The following PPFIA2 variants were observed in gnomAD, a reference collection of about 807,000 sequenced individuals.
The protein encoded by PPFIA2 is liprin-alpha-2.
PPFIA2 carries 46 observed loss-of-function variants against 175.5 expected under a neutral mutation model. The observed-to-expected ratio is 0.26, with a 90% CI of 0.21 to 0.34. The LOEUF is 0.34. PPFIA2 is among the 10% of genes least tolerant of loss of function. PPFIA2 has a pLI of 1.00. For missense variants in PPFIA2, 1,179 were observed against 1,506.1 expected (o/e 0.78, Z 3.60); for synonymous variants, 568 against 511.4 (o/e 1.11, Z -1.49).
At chr12:81,497,122 G>A (rs1399382301) in intron 4 of PPFIA2, among the ~76,000 whole-genome samples, 1 of 152,168 alleles carries the variant, frequency 6.6e-6, no homozygotes, top group Non-Finnish European at 1.5e-5. Flanking sequence ...ATGCATATGA[G>A]CTGCTTGCCA....
intron 14 of PPFIA2, among the ~76,000 whole-genome samples, chr12:81,363,195 T>C (rs1226305992): frequency 1.3e-5 from 2 of 151,434 alleles, no homozygotes; most frequent in Non-Finnish European, 3.0e-5. Context: ...AAAAGATGAT[T>C]GGATTGAAAG....
At chr12:81,431,724 T>C (rs973406024) in intron 7 of PPFIA2, among the ~76,000 whole-genome samples, 2 of 152,274 alleles carry the variant, frequency 1.3e-5, no homozygotes, top group Middle Eastern at 3.4e-3. Flanking sequence ...CTTGACCATC[T>C]AATACATTTC....
chr12:81,560,232 TG>T (rs1223251472), intron 4 of PPFIA2, among the ~76,000 whole-genome samples: 1 of 150,398 alleles, frequency 6.6e-6, no homozygotes, highest in East Asian at 1.9e-4. Context: ...AGAATTGTGG[TG>T]GGGGGTATGT....
chr12:81,598,487 C>G, intron 4 of PPFIA2: 5 of 457,080 alleles, frequency 1.1e-5, no homozygotes, highest in Non-Finnish European at 1.4e-5. Flanking sequence ...TTCAGAGGAC[C>G]TCTTCTGACT....
intron 4 of PPFIA2, among the ~76,000 whole-genome samples, chr12:81,514,928 T>C (rs1447129603): frequency 1.3e-5 from 2 of 151,892 alleles, no homozygotes; most frequent in Non-Finnish European, 2.9e-5. Context: ...GGTGGATTCT[T>C]AGAGACTTTC....
chr12:81,343,250 A>C lies in PPFIA2; in HGVS notation c.2262+1414T>G, dbSNP rs78933248. Among the ~76,000 whole-genome samples the C allele has an allele frequency of 1.5e-3, 231 of 152,112 alleles. 4 individuals carry two copies. In the East Asian group the frequency reaches 0.028, roughly 18 times the overall value. ...CTTTCCATGACTTTTCTCACAAATT[A>C]TGTTGTTACTTCCTGAATTATTTGA... On this transcript the variant is annotated intron_variant, in intron 19 of 32. Transcript: ENST00000549396.
chr12:81,462,597 T>TTATA (rs1180350837), intron 4 of PPFIA2, among the ~76,000 whole-genome samples: 2 of 143,810 alleles, frequency 1.4e-5, no homozygotes, highest in East Asian at 4.0e-4. Context: ...TATATATATA[T>TTATA]ATATATATAT....
In PPFIA2 at chr12:81,419,665, C is replaced by T. The variant is rs143839194; in HGVS notation, c.646-13762G>A. Among the ~76,000 whole-genome samples, 442 of 152,074 alleles carry T rather than the reference C, an allele frequency of 2.9e-3. 6 individuals are homozygous for T. Among genetic ancestry groups the T allele is most frequent in the African/African-American group, 9.9e-3 (411 of 41,510 alleles). On this transcript the variant is annotated intron_variant, in intron 7 of 32. Coordinates refer to ENST00000549396, the MANE Select transcript of PPFIA2 (RefSeq NM_003625.5). ...ATATTTCATTCCCTAGTTATAATTT[C>T]ACTTTTTATATTTAACTCATTTTTC...
intron 28 of PPFIA2, among the ~76,000 whole-genome samples, chr12:81,274,863 G>A (rs1006628137): frequency 6.6e-6 from 1 of 152,154 alleles, no homozygotes; most frequent in African/African-American, 2.4e-5. Context: ...ATAGAGTTGT[G>A]TGTGATCATA....
At chr12:81,368,389 G>A (rs905462069) in intron 13 of PPFIA2, among the ~76,000 whole-genome samples, 1 of 151,650 alleles carries the variant, frequency 6.6e-6, no homozygotes, top group African/African-American at 2.4e-5. Context: ...CCCCAAAAAA[G>A]TATTGACTTG....
At chr12:81,368,035 C>T (rs1006291372) in intron 13 of PPFIA2, 2 of 1,097,016 alleles carry the variant, frequency 1.8e-6, no homozygotes, top group East Asian at 5.9e-5. Context: ...AAATGTCTAG[C>T]TAAAATAGTG....
intron 24 of PPFIA2, among the ~76,000 whole-genome samples, chr12:81,287,536 G>A (rs575983299): frequency 1.4e-4 from 22 of 151,972 alleles, no homozygotes; most frequent in African/African-American, 5.3e-4. Context: ...TTTTACTTGT[G>A]AAGACCACTG....
intron 22 of PPFIA2, among the ~76,000 whole-genome samples, chr12:81,324,896 C>T (rs1176805578): frequency 1.3e-5 from 2 of 151,574 alleles, no homozygotes; most frequent in Admixed American, 1.3e-4. Flanking sequence ...TATATACTTC[C>T]CTATTATTAG....
chr12:81,262,314 A>G (rs2035855982), intron 31 of PPFIA2, among the ~76,000 whole-genome samples: 1 of 152,194 alleles, frequency 6.6e-6, no homozygotes, highest in Admixed American at 6.5e-5. Context: ...TCTGATTTTG[A>G]TATGGAGATT....
intron 7 of PPFIA2, among the ~76,000 whole-genome samples, chr12:81,423,352 T>A (rs2046622550): frequency 2.0e-5 from 3 of 152,080 alleles, no homozygotes; most frequent in Admixed American, 2.0e-4. Context: ...AAATCCTCAA[T>A]ATAATACTAG....
intron 8 of PPFIA2, among the ~76,000 whole-genome samples, chr12:81,404,250 T>C (rs776361322): frequency 2.4e-4 from 36 of 152,212 alleles, no homozygotes; most frequent in Non-Finnish European, 4.7e-4. Flanking sequence ...GGTATATTTC[T>C]TCATTTCTGG....
intron 22 of PPFIA2, among the ~76,000 whole-genome samples, chr12:81,309,503 G>T (rs558118315): frequency 2.2e-4 from 33 of 152,156 alleles, no homozygotes; most frequent in African/African-American, 7.7e-4. Flanking sequence ...TGATTTGAAA[G>T]CAAAGCATAC....
At chr12:81,720,487 G>T (rs1324944863) in intron 3 of PPFIA2, among the ~76,000 whole-genome samples, 1 of 151,332 alleles carries the variant, frequency 6.6e-6, no homozygotes, top group Non-Finnish European at 1.5e-5. Context: ...CACAGCACTT[G>T]TTTGCCCCTT....
At chr12:81,288,886 C>T (rs1001425364) in intron 24 of PPFIA2, among the ~76,000 whole-genome samples, 3 of 151,668 alleles carry the variant, frequency 2.0e-5, no homozygotes, top group African/African-American at 7.3e-5. Context: ...ACCACACCCT[C>T]TTTTCAATAA....
Sources: allele counts gnomAD v4.1 joint callset (sites outside exome capture counted in the v4.1 genomes callset), GRCh38; gene constraint gnomAD v4.1.1; transcripts MANE v1.5; gene names NCBI Gene and HGNC (gene_info 2026-07-23, HGNC 2026-07-21).